FSD1L: variants seen among roughly 807,000 people sequenced by gnomAD.
The protein encoded by FSD1L is fibronectin type III and SPRY domain containing 1 like.
FSD1L carries 45 observed loss-of-function variants against 71.6 expected under a neutral mutation model. The observed-to-expected ratio is 0.63, with a 90% CI of 0.49 to 0.81. The LOEUF (loss-of-function observed/expected upper bound fraction) is 0.81. Ranked by LOEUF, FSD1L falls within the 30% of genes least tolerant of loss-of-function variation. The probability of loss-of-function intolerance (pLI) is 0.00; values close to 1 mark genes in which losing one functional copy is unlikely to be tolerated. For synonymous variants in FSD1L, 197 were observed against 207.2 expected (o/e 0.95, Z 0.42); for missense variants, 561 against 618.1 (o/e 0.91, Z 0.98).
chr9:105,546,486 T>A lies in FSD1L; in HGVS notation c.*3T>A, dbSNP rs545625709. ...TGAACAATGTTGTTACTCAATAGTG[T>A]CTACTCAGAATACGTTTACCCTCCG... On this transcript the variant is annotated 3_prime_UTR_variant, in exon 14 of 14. Coordinates refer to ENST00000481272, the MANE Select transcript of FSD1L (RefSeq NM_001145313.3). 4 of 1,538,610 alleles carry A rather than the reference T, an allele frequency of 2.6e-6. No homozygotes were observed. Among genetic ancestry groups the A allele is most frequent in the South Asian group, 1.2e-5 (1 of 81,058 alleles).
At chr9:105,498,506 T>G (rs1017576648) in intron 7 of FSD1L, among the ~76,000 whole-genome samples, 1 of 152,126 alleles carries the variant, frequency 6.6e-6, no homozygotes, top group Non-Finnish European at 1.5e-5. Flanking sequence ...TAATAATTTG[T>G]GTATCTAAAC....
chr9:105,478,830 C>T (rs1304467819), intron 5 of FSD1L, among the ~76,000 whole-genome samples: 2 of 152,200 alleles, frequency 1.3e-5, no homozygotes, highest in Non-Finnish European at 2.9e-5. Context: ...TATAGAATTG[C>T]AGCCTAGTTG....
At chr9:105,517,045 C>A in intron 10 of FSD1L, among the ~76,000 whole-genome samples, 1 of 152,040 alleles carries the variant, frequency 6.6e-6, no homozygotes, top group African/African-American at 2.4e-5. Context: ...GTATCAATAG[C>A]TGTATCAATC....
intron 1 of FSD1L, 71 bp downstream of exon 1, chr9:105,448,306 G>T (rs1829752962): frequency 1.4e-5 from 20 of 1,400,158 alleles, no homozygotes; most frequent in East Asian, 3.0e-5. Context: ...GGGCGCCTGG[G>T]CCCGTGGGCT....
chr9:105,518,924 GAAA>G (rs1221690539), intron 10 of FSD1L, among the ~76,000 whole-genome samples: 5 of 151,902 alleles, frequency 3.3e-5, no homozygotes, highest in Non-Finnish European at 5.9e-5. Context: ...GACTAATAAA[GAAA>G]AAAAGAGAGA....
intron 10 of FSD1L, chr9:105,530,469 T>G (rs1475587527): frequency 8.5e-6 from 5 of 587,960 alleles, no homozygotes; most frequent in Admixed American, 3.2e-5. Flanking sequence ...CTGTTTTTCT[T>G]TTCTCCATGC....
At chr9:105,459,606 C>T (rs1830563267) in intron 1 of FSD1L, among the ~76,000 whole-genome samples, 1 of 152,200 alleles carries the variant, frequency 6.6e-6, no homozygotes, top group Non-Finnish European at 1.5e-5. Flanking sequence ...CTCCTTTAAG[C>T]TTAGAAAAGC....
intron 5 of FSD1L, among the ~76,000 whole-genome samples, chr9:105,474,033 A>C (rs1831639944): frequency 6.6e-6 from 1 of 152,228 alleles, no homozygotes. Flanking sequence ...GGTGAAATGA[A>C]TTACAACCAT....
intron 13 of FSD1L, among the ~76,000 whole-genome samples, chr9:105,544,656 T>G (rs1429813050): frequency 6.6e-6 from 1 of 152,206 alleles, no homozygotes; most frequent in Admixed American, 6.5e-5. Context: ...GCTAGCCAGT[T>G]TTCCCAGCAC....
intron 10 of FSD1L, chr9:105,525,745 C>G: frequency 6.2e-7 from 1 of 1,603,264 alleles, no homozygotes; most frequent in Non-Finnish European, 8.5e-7. Flanking sequence ...AGGAGGAAGT[C>G]AAGCATATGA....
At chr9:105,457,113 G>C (rs1830407779) in intron 1 of FSD1L, among the ~76,000 whole-genome samples, 1 of 152,164 alleles carries the variant, frequency 6.6e-6, no homozygotes, top group Non-Finnish European at 1.5e-5. Context: ...TGTAACATGG[G>C]CTCATTCTAT....
At chr9:105,461,237 G>C (rs1205629904) in intron 1 of FSD1L, among the ~76,000 whole-genome samples, 7 of 152,058 alleles carry the variant, frequency 4.6e-5, no homozygotes, top group Non-Finnish European at 8.8e-5. Flanking sequence ...TCTTAAGTCT[G>C]TATTATCCAG....
At chr9:105,524,690 T>C in intron 10 of FSD1L, 1 of 1,613,982 alleles carries the variant, frequency 6.2e-7, no homozygotes, top group South Asian at 1.1e-5. Flanking sequence ...TGCGCTCTCC[T>C]GACTCAGAAC....
intron 10 of FSD1L, chr9:105,530,599 A>T (rs751492458): frequency 2.9e-6 from 2 of 692,672 alleles, no homozygotes; most frequent in Non-Finnish European, 5.2e-6. Flanking sequence ...CTTTATTTGT[A>T]TGACGTTCAC....
intron 12 of FSD1L, among the ~76,000 whole-genome samples, chr9:105,537,801 A>T (rs949017135): frequency 4.5e-4 from 68 of 152,042 alleles, no homozygotes; most frequent in African/African-American, 1.6e-3. Flanking sequence ...GTCTCTTGTT[A>T]GCTATTAAGC....
At chr9:105,474,737 T>A (rs1831683919) in intron 5 of FSD1L, among the ~76,000 whole-genome samples, 1 of 152,226 alleles carries the variant, frequency 6.6e-6, no homozygotes, top group Non-Finnish European at 1.5e-5. Flanking sequence ...GGCTAAAAAT[T>A]GAGGCAGTGT....
intron 10 of FSD1L, chr9:105,520,262 T>C (rs1835056882): frequency 6.3e-7 from 1 of 1,595,900 alleles, no homozygotes; most frequent in Non-Finnish European, 8.6e-7. Context: ...CTGAAGAAGA[T>C]GCATTCATCC....
At chr9:105,524,574 C>T (rs1835387186) in intron 10 of FSD1L, 9 of 1,613,882 alleles carry the variant, frequency 5.6e-6, no homozygotes, top group Non-Finnish European at 7.6e-6. Context: ...TTATGGAGCT[C>T]AGTGTTTTAG....
intron 10 of FSD1L, chr9:105,524,954 G>A (rs1835415495): frequency 1.2e-6 from 2 of 1,613,604 alleles, no homozygotes. Flanking sequence ...TACAACCTTA[G>A]TGTCCTGTAT....
Sources: gnomAD v4.1 joint callset for allele counts (sites outside exome capture counted in the v4.1 genomes callset) on GRCh38, gnomAD v4.1.1 for gene constraint, MANE v1.5 for transcripts, NCBI Gene and HGNC (gene_info 2026-07-23, HGNC 2026-07-21) for gene names.